NRG1: variants seen among roughly 807,000 people sequenced by gnomAD.
NRG1 encodes pro-neuregulin-1, membrane-bound isoform.
Under a neutral mutation model 63.8 loss-of-function variants are expected in NRG1, and 18 were observed. That is an observed-to-expected ratio of 0.28 (90% CI 0.19 to 0.42). NRG1 has a LOEUF of 0.42. NRG1 is among the 10% of genes least tolerant of loss of function. NRG1 has a pLI of 1.00. For synonymous variants in NRG1, 302 were observed against 301.3 expected (o/e 1.00, Z -0.02); for missense variants, 762 against 814.7 (o/e 0.94, Z 0.79).
intron 1 of NRG1, among the ~76,000 whole-genome samples, chr8:31,800,511 C>A (rs763796331): frequency 6.6e-6 from 1 of 152,082 alleles, no homozygotes; most frequent in Non-Finnish European, 1.5e-5. Context: ...TCTATTAGGA[C>A]GATCTTCACC....
intron 1 of NRG1, among the ~76,000 whole-genome samples, chr8:32,060,857 C>T (rs562080466): frequency 1.3e-5 from 2 of 151,824 alleles, no homozygotes; most frequent in Non-Finnish European, 2.9e-5. Flanking sequence ...TAAAATGGAG[C>T]AGTAAACACA....
chr8:32,025,912 T>G (rs1156905461), intron 1 of NRG1, among the ~76,000 whole-genome samples: 1 of 145,020 alleles, frequency 6.9e-6, no homozygotes, highest in Non-Finnish European at 1.5e-5. Context: ...CGCCGCTGCA[T>G]TACGGCCTGG....
At chr8:31,689,951 G>T (rs12056941) in intron 1 of NRG1, among the ~76,000 whole-genome samples, 30,114 of 152,100 alleles carry the variant, frequency 0.2, 3,970 homozygotes, top group East Asian at 0.57. Context: ...TGTGGTTTGG[G>T]TGTGTCCCCA....
chr8:32,589,811 C>T (rs1842208244), intron 1 of NRG1, among the ~76,000 whole-genome samples: 1 of 152,144 alleles, frequency 6.6e-6, no homozygotes, highest in Admixed American at 6.5e-5. Context: ...AAGAGGATTG[C>T]TTAGATGAAT....
chr8:32,178,896 A>AC (rs1841105857), intron 1 of NRG1, among the ~76,000 whole-genome samples: 1 of 152,162 alleles, frequency 6.6e-6, no homozygotes, highest in Non-Finnish European at 1.5e-5. Context: ...CCTAAAAAAA[A>AC]AAATCACCGT....
At chr8:32,548,122 G>A, upstream of NRG1, 6 of 753,944 alleles carry the variant, frequency 8.0e-6, no homozygotes, top group Non-Finnish European at 9.7e-6. Flanking sequence ...AGGAAAAGGG[G>A]CTGCGCCCGG....
rs78156532 is a variant in NRG1 at position 31,758,313 on chromosome 8, G to A, written c.37+118882G>A. The stretch of plus-strand genomic sequence containing the variant: ...TTATGAGTGAGAATGTGCAGTGTTT[G>A]GTTTTCTGTTCCTGTGTTAGTTTGC... On this transcript the variant is annotated intron_variant, in intron 1 of 10. Transcript: ENST00000519301. Among the ~76,000 whole-genome samples, 1,619 of 152,142 alleles carry A rather than the reference G, an allele frequency of 0.011. 98 individuals are homozygous for A. The East Asian group carries it at 0.2, about 18-fold the overall frequency.
intron 1 of NRG1, among the ~76,000 whole-genome samples, chr8:32,002,973 T>A (rs1037111182): frequency 2.6e-5 from 4 of 152,066 alleles, no homozygotes; most frequent in African/African-American, 9.7e-5. Context: ...ATTATTAAAT[T>A]CTATTGTATG....
At chr8:31,682,447 T>G (rs1808433425) in intron 1 of NRG1, among the ~76,000 whole-genome samples, 1 of 152,168 alleles carries the variant, frequency 6.6e-6, no homozygotes, top group African/African-American at 2.4e-5. Context: ...AGAATGATTT[T>G]AAAAATTGAG....
At chr8:31,912,383 A>T (rs774061886) in intron 1 of NRG1, among the ~76,000 whole-genome samples, 8 of 151,976 alleles carry the variant, frequency 5.3e-5, no homozygotes, top group Non-Finnish European at 1.0e-4. Context: ...ACAGGAGCAG[A>T]TGTAAGTGCA....
intron 1 of NRG1, among the ~76,000 whole-genome samples, chr8:31,794,230 C>G (rs1367165758): frequency 1.3e-5 from 2 of 152,012 alleles, no homozygotes; most frequent in Non-Finnish European, 2.9e-5. Context: ...GAAACAGCAG[C>G]TCCTCCTTCT....
intron 1 of NRG1, among the ~76,000 whole-genome samples, chr8:32,321,510 GTT>G (rs540239875): frequency 2.1e-4 from 30 of 143,554 alleles, no homozygotes; most frequent in African/African-American, 7.2e-4. Flanking sequence ...ACAGCAGTGG[GTT>G]TTTTTTTTTT....
At chr8:32,353,628 T>C (rs1805939020) in intron 1 of NRG1, among the ~76,000 whole-genome samples, 1 of 152,228 alleles carries the variant, frequency 6.6e-6, no homozygotes, top group Non-Finnish European at 1.5e-5. Flanking sequence ...TTCTTCTAAA[T>C]ACCTATCAGA....
chr8:32,236,197 G>A (rs1202998269), intron 1 of NRG1, among the ~76,000 whole-genome samples: 5 of 151,436 alleles, frequency 3.3e-5, no homozygotes, highest in African/African-American at 9.7e-5. Flanking sequence ...GAATGACATC[G>A]TTTTTTGGAA....
chr8:32,144,385 A>AGG (rs1449665882), intron 1 of NRG1, among the ~76,000 whole-genome samples: 1 of 145,622 alleles, frequency 6.9e-6, no homozygotes, highest in African/African-American at 2.6e-5. Flanking sequence ...GTGTTTATGG[A>AGG]GGTGTGTGTG....
intron 1 of NRG1, among the ~76,000 whole-genome samples, chr8:31,979,082 A>G (rs1413393593): frequency 2.0e-5 from 3 of 152,162 alleles, no homozygotes; most frequent in Non-Finnish European, 4.4e-5. Context: ...ACCTGCTCTG[A>G]CTTCTGTCTT....
At chr8:32,260,403 G>A (rs1403790707) in intron 1 of NRG1, among the ~76,000 whole-genome samples, 1 of 152,178 alleles carries the variant, frequency 6.6e-6, no homozygotes, top group Non-Finnish European at 1.5e-5. Context: ...GCCAGGCTGT[G>A]CCAATAATTC....
intron 1 of NRG1, among the ~76,000 whole-genome samples, chr8:32,035,230 T>C (rs1160669151): frequency 6.6e-6 from 1 of 152,210 alleles, no homozygotes; most frequent in Non-Finnish European, 1.5e-5. Context: ...GAGCAGGTTG[T>C]TCAATTTCGA....
chr8:32,559,188 C>T (rs572834918), intron 1 of NRG1, among the ~76,000 whole-genome samples: 56 of 137,874 alleles, frequency 4.1e-4, no homozygotes, highest in Middle Eastern at 4.7e-3. Flanking sequence ...GAGAAATAAC[C>T]CTTTGGAAAA....
Sources: allele counts gnomAD v4.1 joint callset (sites outside exome capture counted in the v4.1 genomes callset), GRCh38; gene constraint gnomAD v4.1.1; transcripts MANE v1.5; gene names NCBI Gene and HGNC (gene_info 2026-07-23, HGNC 2026-07-21).